The following PTPRM variants were observed in gnomAD, a reference collection of about 807,000 sequenced individuals.
PTPRM encodes protein tyrosine phosphatase receptor type M.
PTPRM carries 47 observed loss-of-function variants against 186.7 expected under a neutral mutation model. That is an observed-to-expected ratio of 0.25 (90% CI 0.20 to 0.32). PTPRM has a LOEUF of 0.32. Among genes scored for constraint, PTPRM ranks in the 10% least tolerant of loss-of-function variants. The pLI is 1.00. For missense variants in PTPRM, 1,494 were observed against 1,865.0 expected (o/e 0.80, Z 3.66); for synonymous variants, 668 against 674.9 (o/e 0.99, Z 0.16).
At chr18:8,081,113 T>C (rs956781550) in intron 9 of PTPRM, among the ~76,000 whole-genome samples, 1 of 152,232 alleles carries the variant, frequency 6.6e-6, no homozygotes, top group African/African-American at 2.4e-5. Context: ...AAGATTTTGA[T>C]TCCCCTCTTC....
chr18:7,767,485 A>C (rs2042069079), intron 1 of PTPRM, among the ~76,000 whole-genome samples: 1 of 152,160 alleles, frequency 6.6e-6, no homozygotes, highest in African/African-American at 2.4e-5. Context: ...CTTCAGTAGG[A>C]TGTAGAATGG....
chr18:7,907,755 T>C (rs2050065322), intron 4 of PTPRM, among the ~76,000 whole-genome samples: 1 of 150,324 alleles, frequency 6.7e-6, no homozygotes, highest in African/African-American at 2.4e-5. Context: ...ACCGCAAATG[T>C]GTGTGTGTGT....
intron 1 of PTPRM, among the ~76,000 whole-genome samples, chr18:7,754,444 A>C (rs552187920): frequency 2.9e-4 from 44 of 152,312 alleles, no homozygotes; most frequent in African/African-American, 1.0e-3. Flanking sequence ...GTGAAGAGTA[A>C]ACCAACAGAC....
chr18:8,276,921 T>C (rs1318145968), intron 19 of PTPRM, among the ~76,000 whole-genome samples: 2 of 149,024 alleles, frequency 1.3e-5, no homozygotes, highest in African/African-American at 2.5e-5. Context: ...AAAGGATGAT[T>C]TGTAGAGATT....
chr18:7,643,624 GC>G (rs2038496141), intron 1 of PTPRM, among the ~76,000 whole-genome samples: 1 of 152,208 alleles, frequency 6.6e-6, no homozygotes, highest in South Asian at 2.1e-4. Context: ...ACAGGCATGA[GC>G]CACTGTGCCC....
intron 14 of PTPRM, among the ~76,000 whole-genome samples, chr18:8,234,940 T>C (rs1284555912): frequency 6.6e-6 from 1 of 152,116 alleles, no homozygotes; most frequent in Non-Finnish European, 1.5e-5. Flanking sequence ...ATATTCTACT[T>C]GGCCATGGTG....
intron 5 of PTPRM, among the ~76,000 whole-genome samples, chr18:7,947,410 C>T (rs966144658): frequency 3.3e-5 from 5 of 152,062 alleles, no homozygotes; most frequent in African/African-American, 9.7e-5. Context: ...TTAGGTGATT[C>T]GGCCAATGAA....
At chr18:8,115,869 G>A (rs550640504) in intron 13 of PTPRM, among the ~76,000 whole-genome samples, 65 of 152,236 alleles carry the variant, frequency 4.3e-4, no homozygotes, top group African/African-American at 1.5e-3. Flanking sequence ...GTCAGTGTTA[G>A]CTCAACAAAT....
intron 14 of PTPRM, among the ~76,000 whole-genome samples, chr18:8,190,538 A>G (rs2093696987): frequency 6.6e-6 from 1 of 152,216 alleles, no homozygotes; most frequent in Non-Finnish European, 1.5e-5. Flanking sequence ...CTTCCCTTTC[A>G]GAAAGACAGA....
At chr18:7,929,694 G>T (rs2051366661) in intron 5 of PTPRM, among the ~76,000 whole-genome samples, 1 of 152,190 alleles carries the variant, frequency 6.6e-6, no homozygotes, top group African/African-American at 2.4e-5. Flanking sequence ...ATCTATATGT[G>T]TACAAAGCAG....
At chr18:7,959,933 A>T (rs1458186444) in intron 7 of PTPRM, among the ~76,000 whole-genome samples, 1 of 152,230 alleles carries the variant, frequency 6.6e-6, no homozygotes, top group Non-Finnish European at 1.5e-5. Context: ...TTACTTCAGC[A>T]TCCAGTTAAA....
chr18:8,379,369 G>A (rs775671545), intron 28 of PTPRM, 29 bp downstream of exon 28: 47 of 1,567,106 alleles, frequency 3.0e-5, no homozygotes, highest in Middle Eastern at 1.7e-4. Flanking sequence ...GCACGGGTCC[G>A]AGGCTGGGGT....
intron 1 of PTPRM, among the ~76,000 whole-genome samples, chr18:7,705,757 A>T (rs979522250): frequency 2.0e-5 from 3 of 148,842 alleles, no homozygotes; most frequent in Non-Finnish European, 3.0e-5. Flanking sequence ...TGAGGTCTTG[A>T]TATGTTTCTC....
At chr18:7,996,127 G>A (rs1451352961) in intron 7 of PTPRM, among the ~76,000 whole-genome samples, 2 of 151,818 alleles carry the variant, frequency 1.3e-5, no homozygotes, top group East Asian at 1.9e-4. Context: ...GGTAGGTAAA[G>A]CATGTTGAAG....
At chr18:8,279,536 G>C (rs748056739) in intron 19 of PTPRM, among the ~76,000 whole-genome samples, 23 of 152,136 alleles carry the variant, frequency 1.5e-4, no homozygotes, top group Non-Finnish European at 3.2e-4. Flanking sequence ...GTGTCTTGAA[G>C]GCTCCAGCAG....
intron 7 of PTPRM, among the ~76,000 whole-genome samples, chr18:8,044,019 T>G (rs2086859636): frequency 6.6e-6 from 1 of 152,186 alleles, no homozygotes; most frequent in African/African-American, 2.4e-5. Context: ...CTTCAAGTGA[T>G]TGCCACGGAA....
At position 7,888,325 on chromosome 18, in the gene PTPRM, C is replaced by T. The variant is rs1228484429; in HGVS notation, c.416C>T (p.Thr139Ile). 1 of 1,614,210 alleles carries T rather than the reference C, an allele frequency of 6.2e-7. No individual in the cohort carries two copies. The highest frequency in any genetic ancestry group is 8.5e-7 in the Non-Finnish European group (1 of 1,180,022). The change falls in exon 3 of 33, where the codon ACA becomes ATA. Residue 139 changes from threonine (T) to isoleucine (I), a missense_variant. By Grantham distance (89) the Thr-to-Ile change is moderately conservative. Transcript: ENST00000580170. ...IWNISGDPTR[T>I]WNRAELAIST... ...AATATATCTGGAGACCCAACACGTA[C>T]ATGGAACAGGGCAGAACTGGCCATT... is the stretch of plus-strand genomic sequence containing the variant.
chr18:7,587,280 G>C (rs1273553623), intron 1 of PTPRM, among the ~76,000 whole-genome samples: 1 of 152,016 alleles, frequency 6.6e-6, no homozygotes, highest in Non-Finnish European at 1.5e-5. Flanking sequence ...AGTTAAACTG[G>C]GTTAAACATC....
At chr18:7,786,314 G>T (rs2043095385) in intron 2 of PTPRM, among the ~76,000 whole-genome samples, 1 of 152,174 alleles carries the variant, frequency 6.6e-6, no homozygotes, top group African/African-American at 2.4e-5. Flanking sequence ...GATATGTGGG[G>T]TAGCATATTA....
Sources: gnomAD v4.1 joint callset for allele counts (sites outside exome capture counted in the v4.1 genomes callset) on GRCh38, gnomAD v4.1.1 for gene constraint, MANE v1.5 for transcripts, NCBI Gene and HGNC (gene_info 2026-07-23, HGNC 2026-07-21) for gene names.